The following MEI4 variants were observed in gnomAD, a reference collection of about 807,000 sequenced individuals.
The protein encoded by MEI4 is meiotic double-stranded break formation protein 4.
A neutral mutation model predicts 31.4 loss-of-function variants in MEI4; 27 were observed. The observed-to-expected ratio is 0.86, with a 90% CI of 0.63 to 1.19. The LOEUF is 1.19. Ranked by LOEUF, MEI4 falls within the 50% of genes most tolerant of loss-of-function variation. MEI4 has a pLI of 0.00. For missense variants in MEI4, 329 were observed against 398.9 expected (o/e 0.82, Z 1.49); for synonymous variants, 122 against 145.4 (o/e 0.84, Z 1.16).
intron 3 of MEI4, among the ~76,000 whole-genome samples, chr6:77,818,880 C>CCAT (rs1769750699): frequency 6.6e-6 from 1 of 151,868 alleles, no homozygotes; most frequent in South Asian, 2.1e-4. Flanking sequence ...TAGGTGTGCA[C>CCAT]CATCACACCC....
chr6:77,734,768 G>A (rs78116007), intron 2 of MEI4, among the ~76,000 whole-genome samples: 29,883 of 151,748 alleles, frequency 0.2, 3,277 homozygotes, highest in African/African-American at 0.27. Flanking sequence ...TGCAGTGGCT[G>A]TTACTGGTTG....
At chr6:77,771,751 CAAG>C in intron 3 of MEI4, among the ~76,000 whole-genome samples, 1 of 152,074 alleles carries the variant, frequency 6.6e-6, no homozygotes, top group South Asian at 2.1e-4. Flanking sequence ...CACATGGACA[CAAG>C]GAGGGTAACA....
intron 3 of MEI4, among the ~76,000 whole-genome samples, chr6:77,786,135 CT>C (rs1390982802): frequency 1.3e-5 from 2 of 151,998 alleles, no homozygotes; most frequent in African/African-American, 4.8e-5. Flanking sequence ...AAACTATTTT[CT>C]TAATGTTCTT....
intron 4 of MEI4, among the ~76,000 whole-genome samples, chr6:77,911,868 C>G (rs1425181298): frequency 1.3e-5 from 2 of 151,652 alleles, no homozygotes; most frequent in Non-Finnish European, 2.9e-5. Flanking sequence ...ATGTTGTTGC[C>G]TGTGTTTTTG....
At chr6:77,746,877 A>T (rs577469685) in intron 2 of MEI4, among the ~76,000 whole-genome samples, 13 of 152,162 alleles carry the variant, frequency 8.5e-5, no homozygotes, top group African/African-American at 3.1e-4. Flanking sequence ...GCAAACATAA[A>T]TTGTGTATTT....
chr6:77,785,318 T>G lies in MEI4; in HGVS notation c.768+23653T>G, dbSNP rs557423930. On this transcript the variant is annotated intron_variant, in intron 3 of 4. Transcript: ENST00000684080. ...ATAAAGGCCACATTTAGCATTAACATCCTTGTGAAGATTTGTTTCAAGCAC... is the reference window on the plus strand; with the variant it reads ...ATAAAGGCCACATTTAGCATTAACAGCCTTGTGAAGATTTGTTTCAAGCAC... 6.3e-4 allele frequency among the ~76,000 whole-genome samples: 96 copies of G among 152,308 alleles called. No homozygotes were observed. In the South Asian group the frequency reaches 8.9e-3, roughly 14 times the overall value.
intron 2 of MEI4, among the ~76,000 whole-genome samples, chr6:77,750,155 A>C (rs899028414): frequency 2.6e-5 from 4 of 152,220 alleles, no homozygotes; most frequent in Non-Finnish European, 4.4e-5. Context: ...GGTACCAGTC[A>C]CTGCAAAAAC....
At chr6:77,803,784 G>A (rs553797522) in intron 3 of MEI4, among the ~76,000 whole-genome samples, 1 of 152,298 alleles carries the variant, frequency 6.6e-6, no homozygotes, top group African/African-American at 2.4e-5. Context: ...CTGCAGAACA[G>A]CGGATATTGG....
intron 4 of MEI4, among the ~76,000 whole-genome samples, chr6:77,866,964 C>A (rs1043656070): frequency 7.2e-5 from 11 of 152,272 alleles, no homozygotes; most frequent in Admixed American, 4.6e-4. Context: ...CAAAAACAAG[C>A]AATGGGGAAA....
chr6:77,907,994 T>G (rs532199453), intron 4 of MEI4, among the ~76,000 whole-genome samples: 10 of 52,924 alleles, frequency 1.9e-4, no homozygotes, highest in East Asian at 5.5e-4. Context: ...GTTGATGGGG[T>G]TTTTTTTTTT....
At chr6:77,671,198 A>G (rs1346207877) in intron 1 of MEI4, among the ~76,000 whole-genome samples, 1 of 151,818 alleles carries the variant, frequency 6.6e-6, no homozygotes, top group Non-Finnish European at 1.5e-5. Context: ...CTGGGACTAC[A>G]GGTGTGCACT....
intron 3 of MEI4, among the ~76,000 whole-genome samples, chr6:77,789,399 A>G (rs1768848434): frequency 6.6e-6 from 1 of 152,234 alleles, no homozygotes; most frequent in Non-Finnish European, 1.5e-5. Flanking sequence ...GCCAAAATTT[A>G]CAAATGGGAT....
At chr6:77,743,747 G>T (rs1291182290) in intron 2 of MEI4, among the ~76,000 whole-genome samples, 5 of 151,740 alleles carry the variant, frequency 3.3e-5, no homozygotes, top group African/African-American at 1.2e-4. Context: ...ACCTCACATG[G>T]CCAGGTACTC....
At chr6:77,855,928 A>T (rs1770736597) in intron 4 of MEI4, among the ~76,000 whole-genome samples, 1 of 152,158 alleles carries the variant, frequency 6.6e-6, no homozygotes, top group African/African-American at 2.4e-5. Context: ...TTCCACATTG[A>T]ATTTAAAAAC....
At chr6:77,867,885 C>T (rs1771088028) in intron 4 of MEI4, among the ~76,000 whole-genome samples, 1 of 152,034 alleles carries the variant, frequency 6.6e-6, no homozygotes, top group Non-Finnish European at 1.5e-5. Context: ...TACTATGCAG[C>T]CATAAAAAAT....
chr6:77,733,207 A>T (rs1044352592), intron 2 of MEI4, among the ~76,000 whole-genome samples: 5 of 151,988 alleles, frequency 3.3e-5, no homozygotes, highest in African/African-American at 1.2e-4. Context: ...GAATGGTACC[A>T]GCTCCTCCTA....
At chr6:77,913,112 C>G (rs1323083004) in intron 4 of MEI4, among the ~76,000 whole-genome samples, 1 of 152,076 alleles carries the variant, frequency 6.6e-6, no homozygotes, top group East Asian at 1.9e-4. Flanking sequence ...ATGTATTGAA[C>G]TATCCTTGCA....
At chr6:77,863,527 T>A (rs1479016027) in intron 4 of MEI4, among the ~76,000 whole-genome samples, 1 of 151,830 alleles carries the variant, frequency 6.6e-6, no homozygotes, top group African/African-American at 2.4e-5. Context: ...AAGAAAAGTT[T>A]AGAGAAAAAA....
intron 3 of MEI4, among the ~76,000 whole-genome samples, chr6:77,764,582 C>G (rs1273366052): frequency 6.6e-6 from 1 of 152,120 alleles, no homozygotes; most frequent in East Asian, 1.9e-4. Context: ...AAACAGCTGA[C>G]TTGAACAACA....
Sources: gnomAD v4.1 joint callset for allele counts (sites outside exome capture counted in the v4.1 genomes callset) on GRCh38, gnomAD v4.1.1 for gene constraint, MANE v1.5 for transcripts, NCBI Gene and HGNC (gene_info 2026-07-23, HGNC 2026-07-21) for gene names.